PPM1L: variants seen among roughly 807,000 people sequenced by gnomAD.
The protein encoded by PPM1L is protein phosphatase 1L.
Under a neutral mutation model 31.4 loss-of-function variants are expected in PPM1L, and 13 were observed. The ratio of observed to expected loss-of-function variants is 0.41; its 90% CI spans 0.27 to 0.66. The LOEUF is 0.66. PPM1L is among the 30% of genes least tolerant of loss of function. PPM1L has a pLI of 0.29. For synonymous variants in PPM1L, 184 were observed against 175.4 expected, an observed-to-expected ratio of 1.05 and a Z score of -0.39; for missense variants, 326 against 453.7, an observed-to-expected ratio of 0.72 and a Z score of 2.56.
chr3:160,835,039 A>ACTTCTTCTT (rs201253772), intron 1 of PPM1L, among the ~76,000 whole-genome samples: 12,695 of 131,572 alleles, frequency 0.096, 671 homozygotes, highest in East Asian at 0.17. Context: ...TACTACTACT[A>ACTTCTTCTT]CTTCTTCTTC....
intron 1 of PPM1L, among the ~76,000 whole-genome samples, chr3:160,783,815 C>T (rs760537165): frequency 2.0e-5 from 3 of 151,986 alleles, no homozygotes; most frequent in Non-Finnish European, 4.4e-5. Flanking sequence ...CCCAAAGTCT[C>T]CTTGTAATTA....
At chr3:161,012,077 G>A (rs147055431) in intron 2 of PPM1L, among the ~76,000 whole-genome samples, 6,958 of 152,140 alleles carry the variant, frequency 0.046, 402 homozygotes, top group African/African-American at 0.12. Context: ...GGTGAGAGAG[G>A]GCATCTCTGT....
In PPM1L at chr3:161,069,260, C is replaced by A. The variant is rs927529188; in HGVS notation, c.*103C>A. The A allele has an allele frequency of 5.7e-6, 5 of 884,168 alleles. No homozygotes were observed. The highest frequency in any genetic ancestry group is 5.1e-6 in the Non-Finnish European group (3 of 593,806). The allele number at this position is 884,168 out of a possible 1,614,324, so 54.8% of individuals were successfully genotyped here. A position where few individuals can be genotyped will look rare whatever the true frequency, so the allele number is the denominator to read the frequency against. On this transcript the variant is annotated 3_prime_UTR_variant, in exon 4 of 4. Coordinates refer to ENST00000498165, the MANE Select transcript of PPM1L (RefSeq NM_139245.4). ...GGAGTTGTAATTAGGATCATCCACC[C>A]CAGACATGGAATCCCCCCTCCCTGG...
chr3:160,804,629 G>T (rs1712541109), intron 1 of PPM1L, among the ~76,000 whole-genome samples: 1 of 152,094 alleles, frequency 6.6e-6, no homozygotes, highest in Non-Finnish European at 1.5e-5. Flanking sequence ...TTCTTATTTA[G>T]AATTTTATTT....
At chr3:160,782,776 AAG>A (rs1323705433) in intron 1 of PPM1L, among the ~76,000 whole-genome samples, 7 of 152,212 alleles carry the variant, frequency 4.6e-5, no homozygotes, top group Admixed American at 2.0e-4. Context: ...AAAGTAAAAA[AAG>A]AGTTCTTTGT....
At chr3:160,796,236 C>A (rs1712244664) in intron 1 of PPM1L, among the ~76,000 whole-genome samples, 1 of 152,212 alleles carries the variant, frequency 6.6e-6, no homozygotes, top group African/African-American at 2.4e-5. Context: ...TCCATCATCA[C>A]CTCCTTTTGG....
intron 1 of PPM1L, among the ~76,000 whole-genome samples, chr3:160,833,714 T>C (rs1283966539): frequency 1.3e-5 from 2 of 152,156 alleles, no homozygotes; most frequent in Non-Finnish European, 2.9e-5. Context: ...TTTTCTCCCA[T>C]TCTTTAGGTT....
At chr3:160,792,136 T>G (rs530984550) in intron 1 of PPM1L, among the ~76,000 whole-genome samples, 93 of 152,332 alleles carry the variant, frequency 6.1e-4, no homozygotes, top group Non-Finnish European at 1.1e-3. Flanking sequence ...CTTACTTTTA[T>G]ATAGTGAAGT....
At chr3:161,003,942 T>C (rs746647432) in intron 2 of PPM1L, among the ~76,000 whole-genome samples, 10 of 149,690 alleles carry the variant, frequency 6.7e-5, no homozygotes, top group Non-Finnish European at 1.5e-4. Context: ...ATGCTTCCAG[T>C]TTTTGCCCAT....
intron 1 of PPM1L, among the ~76,000 whole-genome samples, chr3:160,768,574 G>A (rs1424245689): frequency 6.6e-6 from 1 of 152,172 alleles, no homozygotes; most frequent in Non-Finnish European, 1.5e-5. Context: ...AGACAGAATA[G>A]TTTCTAGATA....
At chr3:160,977,702 G>A (rs1236739443) in intron 2 of PPM1L, among the ~76,000 whole-genome samples, 1 of 151,966 alleles carries the variant, frequency 6.6e-6, no homozygotes, top group African/African-American at 2.4e-5. Flanking sequence ...ATAGATCAAA[G>A]CCATAAATAA....
At chr3:160,860,926 A>G (rs549349115) in intron 1 of PPM1L, among the ~76,000 whole-genome samples, 12 of 152,112 alleles carry the variant, frequency 7.9e-5, no homozygotes, top group Admixed American at 7.9e-4. Context: ...AAAAAGCCCC[A>G]CCTCCAAATA....
chr3:160,972,536 T>A (rs1383728449), intron 2 of PPM1L, among the ~76,000 whole-genome samples: 1 of 152,182 alleles, frequency 6.6e-6, no homozygotes, highest in Non-Finnish European at 1.5e-5. Flanking sequence ...AACTCATCAT[T>A]TTTTATGGCT....
At chr3:161,053,478 C>A (rs1294355935) in intron 2 of PPM1L, among the ~76,000 whole-genome samples, 2 of 152,118 alleles carry the variant, frequency 1.3e-5, no homozygotes, top group Non-Finnish European at 1.5e-5. Flanking sequence ...ATAGGCTGCA[C>A]CCAAGTGTGA....
chr3:160,801,382 A>G (rs1712420485), intron 1 of PPM1L, among the ~76,000 whole-genome samples: 2 of 152,156 alleles, frequency 1.3e-5, no homozygotes, highest in Non-Finnish European at 2.9e-5. Flanking sequence ...TGTTAAGTAA[A>G]TGGATTTTAT....
chr3:160,831,154 C>T (rs1198309540), intron 1 of PPM1L, among the ~76,000 whole-genome samples: 1 of 152,154 alleles, frequency 6.6e-6, no homozygotes, highest in Admixed American at 6.5e-5. Flanking sequence ...TATATATGGT[C>T]TGACTTAATT....
chr3:160,905,264 C>T (rs1462092248), intron 1 of PPM1L, among the ~76,000 whole-genome samples: 1 of 152,132 alleles, frequency 6.6e-6, no homozygotes, highest in Non-Finnish European at 1.5e-5. Context: ...CATTGTGGCC[C>T]TACTTTGATA....
chr3:160,974,324 A>G (rs1252885668), intron 2 of PPM1L, among the ~76,000 whole-genome samples: 2 of 151,986 alleles, frequency 1.3e-5, no homozygotes, highest in South Asian at 2.1e-4. Flanking sequence ...TAATGCCGCA[A>G]TAAACATACA....
intron 2 of PPM1L, among the ~76,000 whole-genome samples, chr3:161,034,578 A>T (rs918590963): frequency 6.6e-6 from 1 of 151,992 alleles, no homozygotes. Context: ...CAATCTCAGC[A>T]AAGTAACACA....
Sources: allele counts gnomAD v4.1 joint callset (sites outside exome capture counted in the v4.1 genomes callset), GRCh38; gene constraint gnomAD v4.1.1; transcripts MANE v1.5; gene names NCBI Gene and HGNC (gene_info 2026-07-23, HGNC 2026-07-21).